The following UNC5D variants were observed in gnomAD, a reference collection of about 807,000 sequenced individuals.
UNC5D encodes the protein netrin receptor UNC5D.
A neutral mutation model predicts 105.4 loss-of-function variants in UNC5D; 39 were observed. The ratio of observed to expected loss-of-function variants is 0.37; its 90% CI spans 0.29 to 0.48. The LOEUF (loss-of-function observed/expected upper bound fraction) is 0.48. UNC5D is among the 20% of genes least tolerant of loss of function. UNC5D has a pLI of 0.98. For missense variants in UNC5D, 991 were observed against 1,202.4 expected, an observed-to-expected ratio of 0.82 and a Z score of 2.60; for synonymous variants, 452 against 450.4, an observed-to-expected ratio of 1.00 and a Z score of -0.04.
At chr8:35,368,950 C>T (rs1471914273) in intron 1 of UNC5D, among the ~76,000 whole-genome samples, 1 of 152,150 alleles carries the variant, frequency 6.6e-6, no homozygotes, top group Non-Finnish European at 1.5e-5. Context: ...TCTCCGGAAC[C>T]ATGAGAAAAC....
intron 1 of UNC5D, among the ~76,000 whole-genome samples, chr8:35,431,638 A>G (rs1352817000): frequency 2.0e-5 from 3 of 151,930 alleles, no homozygotes; most frequent in Admixed American, 6.5e-5. Flanking sequence ...ATAACACCTG[A>G]ACACTTATTT....
At chr8:35,636,237 G>A (rs377089545) in intron 4 of UNC5D, among the ~76,000 whole-genome samples, 2 of 152,278 alleles carry the variant, frequency 1.3e-5, no homozygotes, top group Non-Finnish European at 2.9e-5. Context: ...GATGGGTTTT[G>A]TACCTACCGG....
chr8:35,613,458 G>A (rs1820826461), intron 4 of UNC5D, among the ~76,000 whole-genome samples: 1 of 152,208 alleles, frequency 6.6e-6, no homozygotes, highest in South Asian at 2.1e-4. Context: ...CCAATTAGCA[G>A]CCTCACCTGG....
chr8:35,546,450 C>T (rs765723866), intron 1 of UNC5D, among the ~76,000 whole-genome samples: 1 of 152,130 alleles, frequency 6.6e-6, no homozygotes, highest in African/African-American at 2.4e-5. Context: ...GATACATAGA[C>T]GTATTCATGC....
In UNC5D at chr8:35,687,941, T is replaced by TA. The variant is rs1195340141; in HGVS notation, c.1084+1236dup. On this transcript the variant is annotated intron_variant, in intron 7 of 16. Coordinates refer to ENST00000404895, the MANE Select transcript of UNC5D (RefSeq NM_080872.4). ...GTCAGGTGATCGAGACCATCCTGGCTAAAACGGTGAAACCCCATCTCTACT... is the reference window on the plus strand; with the variant it reads ...GTCAGGTGATCGAGACCATCCTGGCTAAAAACGGTGAAACCCCATCTCTACT... Among the ~76,000 whole-genome samples the TA allele has an allele frequency of 1.2e-4, 18 of 151,924 alleles. 1 individual carries two copies. The highest frequency in any genetic ancestry group is 1.5e-5 in the Non-Finnish European group (1 of 67,972).
intron 4 of UNC5D, among the ~76,000 whole-genome samples, chr8:35,614,494 G>A (rs1466803313): frequency 6.6e-6 from 1 of 152,056 alleles, no homozygotes; most frequent in Non-Finnish European, 1.5e-5. Flanking sequence ...TGAGGAGACT[G>A]ACAATGAGGA....
intron 1 of UNC5D, among the ~76,000 whole-genome samples, chr8:35,426,075 A>G (rs1163733993): frequency 6.6e-6 from 1 of 152,170 alleles, no homozygotes; most frequent in African/African-American, 2.4e-5. Context: ...TCCTTTGTTG[A>G]AACCAAAAGG....
At chr8:35,525,705 C>T in intron 1 of UNC5D, 1 of 1,595,888 alleles carries the variant, frequency 6.3e-7, no homozygotes, top group Non-Finnish European at 8.5e-7. Context: ...CTGCTCCTGG[C>T]ACGTCCGGCA....
intron 4 of UNC5D, among the ~76,000 whole-genome samples, chr8:35,642,117 C>T (rs1822787531): frequency 6.6e-6 from 1 of 152,160 alleles, no homozygotes; most frequent in Non-Finnish European, 1.5e-5. Flanking sequence ...TGAGATTCTG[C>T]ACCTCCACCT....
chr8:35,344,572 T>G (rs1585631953), intron 1 of UNC5D, among the ~76,000 whole-genome samples: 1 of 152,062 alleles, frequency 6.6e-6, no homozygotes. Flanking sequence ...AGGATAATGA[T>G]GCAGAAACAG....
In UNC5D at chr8:35,558,789, C is replaced by G. The variant is rs376567662; in HGVS notation, c.322+9279C>G. Among the ~76,000 whole-genome samples, 67 of 152,248 alleles carry G rather than the reference C, an allele frequency of 4.4e-4. 1 individual carries two copies. Among genetic ancestry groups the G allele is most frequent in the African/African-American group, 1.6e-3 (66 of 41,544 alleles). ...CTTGAGGCCTGGAGTTTCAGACCAG[C>G]CTGGCCAACAAGGCAAAACCTCATC... On this transcript the variant is annotated intron_variant, in intron 2 of 16. Coordinates refer to ENST00000404895, the MANE Select transcript of UNC5D (RefSeq NM_080872.4).
At chr8:35,658,907 G>A (rs1222752477) in intron 4 of UNC5D, among the ~76,000 whole-genome samples, 7 of 152,060 alleles carry the variant, frequency 4.6e-5, no homozygotes, top group African/African-American at 1.7e-4. Context: ...CGCCGGCCTC[G>A]GCCTTCCAAA....
chr8:35,579,657 AAC>A (rs1445826492), intron 3 of UNC5D, among the ~76,000 whole-genome samples: 1 of 152,216 alleles, frequency 6.6e-6, no homozygotes, highest in African/African-American at 2.4e-5. Flanking sequence ...GAAAGCAAGC[AAC>A]ACAGTACTTG....
intron 1 of UNC5D, among the ~76,000 whole-genome samples, chr8:35,336,959 T>C (rs1196104103): frequency 6.6e-6 from 1 of 152,196 alleles, no homozygotes; most frequent in Non-Finnish European, 1.5e-5. Flanking sequence ...TGCTATCTTA[T>C]AACCCTGAAA....
At chr8:35,535,488 T>A (rs1814767581) in intron 1 of UNC5D, among the ~76,000 whole-genome samples, 4 of 151,836 alleles carry the variant, frequency 2.6e-5, no homozygotes. Context: ...TGCCAAAATC[T>A]TGAGGTACAA....
chr8:35,401,598 T>A (rs1804469279), intron 1 of UNC5D, among the ~76,000 whole-genome samples: 1 of 152,198 alleles, frequency 6.6e-6, no homozygotes, highest in Non-Finnish European at 1.5e-5. Context: ...TAATATCATA[T>A]GTTTCAAAGA....
intron 1 of UNC5D, among the ~76,000 whole-genome samples, chr8:35,466,690 G>A (rs1809328211): frequency 6.6e-6 from 1 of 152,104 alleles, no homozygotes; most frequent in Non-Finnish European, 1.5e-5. Context: ...CAACAGTCCT[G>A]TATTTGCCAT....
At chr8:35,317,333 T>G (rs1276376079) in intron 1 of UNC5D, among the ~76,000 whole-genome samples, 5 of 152,134 alleles carry the variant, frequency 3.3e-5, no homozygotes, top group Admixed American at 2.6e-4. Flanking sequence ...TTAAATTGGT[T>G]CTGTAAATGT....
intron 1 of UNC5D, chr8:35,254,412 T>G (rs570045548): frequency 6.6e-6 from 1 of 152,330 alleles, no homozygotes; most frequent in Non-Finnish European, 1.5e-5. Context: ...GAGTGTCTTT[T>G]AATATCCATT....
Sources: gnomAD v4.1 joint callset for allele counts (sites outside exome capture counted in the v4.1 genomes callset) on GRCh38, gnomAD v4.1.1 for gene constraint, MANE v1.5 for transcripts, NCBI Gene and HGNC (gene_info 2026-07-23, HGNC 2026-07-21) for gene names.